The following PGR variants were observed in gnomAD, a reference collection of about 807,000 sequenced individuals.
The protein encoded by PGR is nuclear receptor subfamily 3 group C member 3.
Under a neutral mutation model 76.1 loss-of-function variants are expected in PGR, and 25 were observed. The ratio of observed to expected loss-of-function variants is 0.33; its 90% CI spans 0.24 to 0.46. PGR has a LOEUF of 0.46. PGR is among the 20% of genes least tolerant of loss of function. PGR has a pLI of 1.00. For synonymous variants in PGR, 579 were observed against 535.0 expected (o/e 1.08, Z -1.14); for missense variants, 1,172 against 1,225.3 (o/e 0.96, Z 0.65).
intron 2 of PGR, among the ~76,000 whole-genome samples, chr11:101,101,501 G>T (rs939515921): frequency 1.3e-4 from 20 of 152,172 alleles, no homozygotes; most frequent in Admixed American, 3.9e-4. Context: ...AATCAGAAGG[G>T]ATAATAGAAA....
At chr11:101,056,558 T>C (rs1860299242) in intron 4 of PGR, among the ~76,000 whole-genome samples, 2 of 149,926 alleles carry the variant, frequency 1.3e-5, no homozygotes, top group Non-Finnish European at 2.9e-5. Context: ...GACGATGGCT[T>C]GAGCCCAGGA....
chr11:101,121,334 A>G (rs1022357576), intron 2 of PGR, among the ~76,000 whole-genome samples: 2 of 152,344 alleles, frequency 1.3e-5, no homozygotes, highest in East Asian at 1.9e-4. Context: ...GTGCACTACA[A>G]AAGATGGAGA....
chr11:101,124,197 C>A (rs754806112), intron 2 of PGR, among the ~76,000 whole-genome samples: 1 of 152,146 alleles, frequency 6.6e-6, no homozygotes, highest in Non-Finnish European at 1.5e-5. Flanking sequence ...ACTATAGGAC[C>A]ATGCCAACAG....
At chr11:101,052,564 T>C (rs1323195276) in intron 4 of PGR, among the ~76,000 whole-genome samples, 3 of 152,076 alleles carry the variant, frequency 2.0e-5, no homozygotes, top group African/African-American at 7.2e-5. Flanking sequence ...GTCTTGCAAG[T>C]CTATTAAGGA....
At chr11:101,110,309 A>T (rs1862305482) in intron 2 of PGR, among the ~76,000 whole-genome samples, 1 of 152,210 alleles carries the variant, frequency 6.6e-6, no homozygotes, top group South Asian at 2.1e-4. Context: ...ATCATTTTAG[A>T]TGTCATTAAG....
At chr11:101,110,019 C>A (rs776219334) in intron 2 of PGR, among the ~76,000 whole-genome samples, 1 of 152,100 alleles carries the variant, frequency 6.6e-6, no homozygotes, top group Non-Finnish European at 1.5e-5. Context: ...GACAGCACAT[C>A]TATTTACAGC....
intron 2 of PGR, among the ~76,000 whole-genome samples, chr11:101,110,716 T>A (rs1215249739): frequency 2.0e-5 from 3 of 152,196 alleles, no homozygotes; most frequent in African/African-American, 7.2e-5. Flanking sequence ...TCAAAGAAGC[T>A]CTACTGTGGG....
intron 6 of PGR, among the ~76,000 whole-genome samples, chr11:101,047,336 T>C (rs1034886840): frequency 2.0e-5 from 3 of 152,170 alleles, no homozygotes; most frequent in Admixed American, 6.6e-5. Flanking sequence ...ATAAGTGCTA[T>C]AGGATTCATT....
At chr11:101,049,180 A>G (rs1860000376) in intron 6 of PGR, among the ~76,000 whole-genome samples, 1 of 152,172 alleles carries the variant, frequency 6.6e-6, no homozygotes, top group South Asian at 2.1e-4. Flanking sequence ...AATCATCAAT[A>G]TCACTGTCAT....
intron 3 of PGR, among the ~76,000 whole-genome samples, chr11:101,070,453 C>T (rs1034715740): frequency 6.6e-6 from 1 of 152,028 alleles, no homozygotes; most frequent in Non-Finnish European, 1.5e-5. Flanking sequence ...CCCAGTGGCA[C>T]CTGGAATGCC....
intron 2 of PGR, among the ~76,000 whole-genome samples, chr11:101,113,702 A>G (rs1309050777): frequency 2.0e-5 from 3 of 152,170 alleles, no homozygotes; most frequent in Non-Finnish European, 4.4e-5. Context: ...AGGTAGCTGG[A>G]GGTAATTAAA....
chr11:101,052,269 CTGTGTGTGTGTGTGTGTGTGTGTGTGTG>C (rs55925008), intron 4 of PGR, among the ~76,000 whole-genome samples: 3 of 141,836 alleles, frequency 2.1e-5, no homozygotes, highest in Non-Finnish European at 4.6e-5. Context: ...GATTTAGAAT[CTGTGTGTGTGTGTGTGTGTGTGTGTGTG>C]TGTGTGTGTG....
At chr11:101,071,609 T>G (rs1034529542) in intron 3 of PGR, among the ~76,000 whole-genome samples, 2 of 151,698 alleles carry the variant, frequency 1.3e-5, no homozygotes, top group African/African-American at 2.4e-5. Flanking sequence ...CTACCTAGAA[T>G]AACCATTTTA....
chr11:101,122,240 C>T (rs1267694109), intron 2 of PGR, among the ~76,000 whole-genome samples: 2 of 150,886 alleles, frequency 1.3e-5, no homozygotes, highest in Non-Finnish European at 3.0e-5. Context: ...CTAAGTAATA[C>T]ATTTCAATTG....
intron 2 of PGR, among the ~76,000 whole-genome samples, chr11:101,102,192 A>T (rs189121132): frequency 6.6e-6 from 1 of 152,304 alleles, no homozygotes; most frequent in East Asian, 1.9e-4. Context: ...GATCCTGAAT[A>T]AAAAAACATT....
intron 4 of PGR, among the ~76,000 whole-genome samples, chr11:101,059,472 G>T (rs1381152645): frequency 6.6e-6 from 1 of 152,024 alleles, no homozygotes; most frequent in East Asian, 1.9e-4. Flanking sequence ...TCACTCATTT[G>T]CAATGTATCC....
At chr11:101,105,460 A>G (rs480851) in intron 2 of PGR, among the ~76,000 whole-genome samples, 36,950 of 151,248 alleles carry the variant, frequency 0.24, 5,646 homozygotes, top group Non-Finnish European at 0.35. Flanking sequence ...AGGAGGAGAC[A>G]ATTGATTTAA....
At chr11:101,063,804 C>T (rs957779964) in intron 3 of PGR, 1 of 152,170 alleles carries the variant, frequency 6.6e-6, no homozygotes, top group Non-Finnish European at 1.5e-5. Context: ...CCGTGAATTA[C>T]TTAGGTGGCA....
intron 4 of PGR, among the ~76,000 whole-genome samples, 159 bp from the exon 5 acceptor site, chr11:101,051,727 T>A (rs563651256): frequency 6.6e-6 from 1 of 152,266 alleles, no homozygotes; most frequent in African/African-American, 2.4e-5. Context: ...CATTAATAAA[T>A]AATACAGCCT....
Sources: allele counts gnomAD v4.1 joint callset (sites outside exome capture counted in the v4.1 genomes callset), GRCh38; gene constraint gnomAD v4.1.1; transcripts MANE v1.5; gene names NCBI Gene and HGNC (gene_info 2026-07-23, HGNC 2026-07-21).